Variants in SDK1 observed in about 807,000 individuals in gnomAD.
SDK1 encodes the protein sidekick cell adhesion molecule 1.
A neutral mutation model predicts 245.5 loss-of-function variants in SDK1; 157 were observed. The observed-to-expected ratio is 0.64, with a 90% CI of 0.56 to 0.73. SDK1 has a LOEUF of 0.73. Ranked by LOEUF, SDK1 falls within the 30% of genes least tolerant of loss-of-function variation. The pLI, the probability that SDK1 is intolerant of heterozygous loss-of-function variation, is 0.00. For missense variants in SDK1, 3,583 were observed against 3,002.3 expected (o/e 1.19, Z -4.52); for synonymous variants, 1,647 against 1,278.5 (o/e 1.29, Z -6.15).
At chr7:3,403,341 T>G (rs1459929272) in intron 1 of SDK1, among the ~76,000 whole-genome samples, 2 of 152,180 alleles carry the variant, frequency 1.3e-5, no homozygotes, top group African/African-American at 4.8e-5. Flanking sequence ...ATTAAAGTGA[T>G]GAATGGTTGC....
intron 1 of SDK1, among the ~76,000 whole-genome samples, chr7:3,362,288 C>T (rs959231704): frequency 2.6e-5 from 4 of 152,164 alleles, no homozygotes; most frequent in African/African-American, 9.7e-5. Context: ...AGTGTAAATG[C>T]AGACTTCTTT....
intron 4 of SDK1, among the ~76,000 whole-genome samples, chr7:3,702,227 A>T (rs537086538): frequency 5.9e-5 from 9 of 152,204 alleles, no homozygotes; most frequent in Admixed American, 5.9e-4. Context: ...TAAGCTACAT[A>T]TTTGAGAAAG....
intron 4 of SDK1, among the ~76,000 whole-genome samples, chr7:3,797,603 C>T (rs1481461691): frequency 6.6e-6 from 1 of 152,038 alleles, no homozygotes; most frequent in Non-Finnish European, 1.5e-5. Flanking sequence ...TTACATAGAT[C>T]TAATTTATTC....
chr7:3,657,808 A>G (rs1179558960), intron 4 of SDK1, among the ~76,000 whole-genome samples: 2 of 152,250 alleles, frequency 1.3e-5, no homozygotes, highest in South Asian at 2.1e-4. Flanking sequence ...TAAAGAAAGC[A>G]GAGGAAGTCT....
intron 4 of SDK1, among the ~76,000 whole-genome samples, chr7:3,803,524 T>C (rs917898987): frequency 2.6e-5 from 4 of 151,946 alleles, no homozygotes; most frequent in Middle Eastern, 6.8e-3. Flanking sequence ...TGGACCAGGC[T>C]GGTCTCAAAC....
chr7:3,907,639 C>T (rs572451170), intron 5 of SDK1, among the ~76,000 whole-genome samples: 16 of 152,268 alleles, frequency 1.1e-4, no homozygotes, highest in South Asian at 6.2e-4. Flanking sequence ...CCTAAGAGTG[C>T]GATTACTGAA....
intron 1 of SDK1, among the ~76,000 whole-genome samples, chr7:3,570,511 C>T (rs566096542): frequency 6.6e-6 from 1 of 152,178 alleles, no homozygotes; most frequent in Non-Finnish European, 1.5e-5. Context: ...TAAGGGATCC[C>T]TTTCCCCCAA....
chr7:3,872,005 T>C (rs1050183357), intron 5 of SDK1, among the ~76,000 whole-genome samples: 2 of 152,248 alleles, frequency 1.3e-5, no homozygotes, highest in African/African-American at 4.8e-5. Context: ...TGGGAGTTTT[T>C]GTTATGAACT....
Position 3,951,874 on chromosome 7 carries a change from G to A in SDK1, c.1104G>A (p.Gly368=), listed in dbSNP as rs1170093190. 2 of 1,613,682 alleles carry A rather than the reference G, an allele frequency of 1.2e-6. No homozygotes were observed. The highest frequency in any genetic ancestry group is 1.7e-6 in the Non-Finnish European group (2 of 1,180,006). The change falls in exon 7 of 45, where the codon GGG becomes GGA. Residue 368 remains glycine (G), a synonymous_variant. Transcript: ENST00000404826. ...GPYVCEAALP[G]SAFEPARATA... Reference sequence around the variant, plus strand: ...ACGTCTGCGAGGCGGCGCTGCCGGGGAGCGCTTTTGAACCGGCCAGGGCGA... The same window carrying A: ...ACGTCTGCGAGGCGGCGCTGCCGGGAAGCGCTTTTGAACCGGCCAGGGCGA...
intron 1 of SDK1, among the ~76,000 whole-genome samples, chr7:3,582,526 TGTGGAGG>T (rs1193797462): frequency 1.3e-5 from 2 of 151,898 alleles, no homozygotes; most frequent in African/African-American, 2.4e-5. Context: ...CAGTGTCTGC[TGTGGAGG>T]GTGGAGGGTG....
chr7:3,941,395 A>G (rs1425612178), intron 5 of SDK1, among the ~76,000 whole-genome samples: 2 of 151,724 alleles, frequency 1.3e-5, no homozygotes, highest in African/African-American at 4.8e-5. Flanking sequence ...CTGATGGATC[A>G]AGTCCACACT....
At chr7:3,622,170 G>GC (rs1308186533) in intron 2 of SDK1, among the ~76,000 whole-genome samples, 1 of 152,098 alleles carries the variant, frequency 6.6e-6, no homozygotes, top group African/African-American at 2.4e-5. Context: ...AAGGCTAGCA[G>GC]CATTTCAATT....
intron 4 of SDK1, among the ~76,000 whole-genome samples, chr7:3,719,752 G>A (rs571539018): frequency 6.6e-6 from 1 of 152,276 alleles, no homozygotes; most frequent in African/African-American, 2.4e-5. Context: ...GCTGAGGTGG[G>A]TGGATCATGA....
At chr7:4,222,231 G>A (rs1033226689) in intron 40 of SDK1, among the ~76,000 whole-genome samples, 2 of 152,190 alleles carry the variant, frequency 1.3e-5, no homozygotes, top group African/African-American at 2.4e-5. Flanking sequence ...CAGGACACTC[G>A]TTCCCTCCTC....
chr7:3,993,316 T>G (rs900596100), intron 14 of SDK1, among the ~76,000 whole-genome samples: 18 of 152,188 alleles, frequency 1.2e-4, no homozygotes, highest in Non-Finnish European at 1.9e-4. Context: ...AATGGTGGCC[T>G]TCTACCAGTT....
rs545219801 is a variant in SDK1 at position 4,154,849 on chromosome 7, G to T, written c.4626-3599G>T. On this transcript the variant is annotated intron_variant, in intron 30 of 44. Transcript: ENST00000404826. ...TGAACAGAGTGCAGAATTGGGAGGAGTTAGAAGGGTTACAGGAGGGTGTTC... is the reference window on the plus strand; with the variant it reads ...TGAACAGAGTGCAGAATTGGGAGGATTTAGAAGGGTTACAGGAGGGTGTTC... Among the ~76,000 whole-genome samples the T allele has an allele frequency of 2.0e-5, 3 of 152,228 alleles. No individual in the cohort carries two copies. In the South Asian group the frequency reaches 6.2e-4, roughly 32 times the overall value.
At chr7:3,820,370 G>A (rs147541849) in intron 4 of SDK1, among the ~76,000 whole-genome samples, 4 of 152,064 alleles carry the variant, frequency 2.6e-5, no homozygotes, top group South Asian at 2.1e-4. Context: ...GGATGGTCTC[G>A]ATCTCTTGAC....
At chr7:3,441,254 A>G (rs1312511904) in intron 1 of SDK1, among the ~76,000 whole-genome samples, 2 of 152,112 alleles carry the variant, frequency 1.3e-5, no homozygotes, top group Non-Finnish European at 2.9e-5. Flanking sequence ...GGTAAATATG[A>G]ATAGGAAAAA....
intron 4 of SDK1, among the ~76,000 whole-genome samples, chr7:3,743,132 G>T (rs1779523052): frequency 6.6e-6 from 1 of 152,190 alleles, no homozygotes; most frequent in Non-Finnish European, 1.5e-5. Context: ...CCTTGAATGG[G>T]AGAGTAATAC....
Sources: gnomAD v4.1 joint callset for allele counts (sites outside exome capture counted in the v4.1 genomes callset) on GRCh38, gnomAD v4.1.1 for gene constraint, MANE v1.5 for transcripts, NCBI Gene and HGNC (gene_info 2026-07-23, HGNC 2026-07-21) for gene names.